PITPNM3: variants seen among roughly 807,000 people sequenced by gnomAD.
PITPNM3 encodes the protein membrane-associated phosphatidylinositol transfer protein 3.
Under a neutral mutation model 102.0 loss-of-function variants are expected in PITPNM3, and 26 were observed. That is an observed-to-expected ratio of 0.25 (90% CI 0.19 to 0.35). The LOEUF (loss-of-function observed/expected upper bound fraction) is 0.35, where lower values mean the gene tolerates loss of function less well. PITPNM3 is among the 10% of genes least tolerant of loss of function. The pLI, the probability that PITPNM3 is intolerant of heterozygous loss-of-function variation, is 1.00. For missense variants in PITPNM3, 1,083 were observed against 1,346.1 expected (o/e 0.80, Z 3.06); for synonymous variants, 578 against 558.6 (o/e 1.03, Z -0.49).
At chr17:6,542,464 C>T (rs1909783320) in intron 1 of PITPNM3, among the ~76,000 whole-genome samples, 1 of 152,202 alleles carries the variant, frequency 6.6e-6, no homozygotes. Context: ...CTCCCTCACA[C>T]ACAAAGTAAA....
intron 3 of PITPNM3, among the ~76,000 whole-genome samples, chr17:6,504,599 G>A (rs978205067): frequency 1.3e-5 from 2 of 152,088 alleles, no homozygotes; most frequent in African/African-American, 4.8e-5. Context: ...GCTCCCTCTG[G>A]CCTGCTGTGT....
At chr17:6,456,755 A>G (rs1914134493) in intron 19 of PITPNM3, among the ~76,000 whole-genome samples, 1 of 151,896 alleles carries the variant, frequency 6.6e-6, no homozygotes, top group Non-Finnish European at 1.5e-5. Flanking sequence ...CTTCCCTTCC[A>G]CCTGCTGCGC....
intron 17 of PITPNM3, among the ~76,000 whole-genome samples, chr17:6,462,389 T>C (rs1904509200): frequency 6.6e-6 from 1 of 152,184 alleles, no homozygotes; most frequent in Non-Finnish European, 1.5e-5. Flanking sequence ...CCTTTGCATA[T>C]GGGATCTCTC....
At chr17:6,489,919 G>A (rs562074382) in intron 4 of PITPNM3, among the ~76,000 whole-genome samples, 5 of 152,038 alleles carry the variant, frequency 3.3e-5, no homozygotes, top group African/African-American at 4.8e-5. Flanking sequence ...CAGAAGAATC[G>A]CTTGAACCCG....
intron 6 of PITPNM3, among the ~76,000 whole-genome samples, chr17:6,482,040 G>GTCTCTCTCTC (rs56855120): frequency 7.2e-5 from 4 of 55,186 alleles, no homozygotes; most frequent in South Asian, 6.4e-4. Flanking sequence ...CTCTCTGTCT[G>GTCTCTCTCTC]TCTCTCTCTC....
intron 2 of PITPNM3, among the ~76,000 whole-genome samples, chr17:6,529,381 G>T (rs1008039908): frequency 6.6e-6 from 1 of 152,010 alleles, no homozygotes; most frequent in East Asian, 1.9e-4. Flanking sequence ...AATCACAAGG[G>T]CAGGAGTTCG....
intron 5 of PITPNM3, 56 bp from the exon 6 acceptor site, chr17:6,483,808 C>T: frequency 7.3e-7 from 1 of 1,373,596 alleles, no homozygotes; most frequent in Non-Finnish European, 1.0e-6. Context: ...TCGGGGGAGG[C>T]ACACAGGGAC....
At chr17:6,531,198 CT>C (rs796285955) in intron 2 of PITPNM3, among the ~76,000 whole-genome samples, 30 of 152,230 alleles carry the variant, frequency 2.0e-4, no homozygotes, top group African/African-American at 7.2e-4. Flanking sequence ...AAGGATGCAG[CT>C]GATATTTTCT....
At chr17:6,552,340 G>C (rs552385514) in intron 1 of PITPNM3, among the ~76,000 whole-genome samples, 3 of 152,122 alleles carry the variant, frequency 2.0e-5, no homozygotes, top group Admixed American at 6.5e-5. Context: ...CTCTCAGTGG[G>C]AGAGAGGGGC....
chr17:6,552,434 C>T (rs1365453017), intron 1 of PITPNM3, among the ~76,000 whole-genome samples: 3 of 152,162 alleles, frequency 2.0e-5, no homozygotes, highest in Non-Finnish European at 4.4e-5. Context: ...CAGAATCAAC[C>T]CTTCCCAACA....
At chr17:6,542,438 A>G (rs926980412) in intron 1 of PITPNM3, among the ~76,000 whole-genome samples, 2 of 152,084 alleles carry the variant, frequency 1.3e-5, no homozygotes, top group African/African-American at 4.8e-5. Context: ...GCACACTCCC[A>G]TAATTCTCTC....
rs1047168756 is a variant in PITPNM3, at chr17:6,537,577, C to T, written c.118+410G>A. ...CTGGGATTACAGGTGTGAGCCACCA[C>T]GCCTGGCCTGACTGTTCTCTCTTAC... is the stretch of plus-strand genomic sequence containing the variant. On this transcript the variant is annotated intron_variant, in intron 2 of 19. Transcript: ENST00000262483. The surrounding 1 kb of genome is among the most constrained non-coding windows in gnomAD (Gnocchi z 4.4). Among the ~76,000 whole-genome samples, 6 of 152,232 alleles carry T rather than the reference C, an allele frequency of 3.9e-5. No homozygotes were observed. Among genetic ancestry groups the T allele is most frequent in the African/African-American group, 7.2e-5 (3 of 41,458 alleles).
chr17:6,518,118 A>G (rs1187712857), intron 3 of PITPNM3, among the ~76,000 whole-genome samples: 1 of 152,238 alleles, frequency 6.6e-6, no homozygotes, highest in Admixed American at 6.5e-5. Flanking sequence ...AGAATTTCAA[A>G]AAGATATCAC....
chr17:6,545,972 A>C (rs1176534481), intron 1 of PITPNM3, among the ~76,000 whole-genome samples: 1 of 152,146 alleles, frequency 6.6e-6, no homozygotes, highest in Non-Finnish European at 1.5e-5. Context: ...AGATCTTAGC[A>C]AGGCCCCCTC....
intron 16 of PITPNM3, 28 bp from the exon 17 acceptor site, chr17:6,463,909 G>A (rs369631208): frequency 9.5e-5 from 153 of 1,612,796 alleles, no homozygotes; most frequent in Middle Eastern, 5.0e-4. Flanking sequence ...GTGGTCAGCC[G>A]TGAGGTCAGG....
intron 4 of PITPNM3, among the ~76,000 whole-genome samples, chr17:6,491,685 G>C (rs1906494269): frequency 6.6e-6 from 1 of 151,996 alleles, no homozygotes; most frequent in African/African-American, 2.4e-5. Flanking sequence ...CCAGCTCCTA[G>C]CATTGCAGAA....
At chr17:6,491,123 A>C (rs1235288732) in intron 4 of PITPNM3, among the ~76,000 whole-genome samples, 2 of 25,338 alleles carry the variant, frequency 7.9e-5, no homozygotes, top group Admixed American at 9.3e-4. Flanking sequence ...AGGCGAGGGG[A>C]GGGGAGGGGA....
chr17:6,528,802 A>AAC lies in PITPNM3; in HGVS notation c.119-3341_119-3340dup, dbSNP rs35605575. On this transcript the variant is annotated intron_variant, in intron 2 of 19. Transcript: ENST00000262483. ...GGCTTGTCCCCTGAGAAGCAACAAGAACACACACACACACACACACATACA... is the reference window on the plus strand; with the variant it reads ...GGCTTGTCCCCTGAGAAGCAACAAGAACACACACACACACACACACACATACA... Among the ~76,000 whole-genome samples, 468 of 150,596 alleles carry AAC rather than the reference A, an allele frequency of 3.1e-3. 1 individual carries two copies. Among genetic ancestry groups the AAC allele is most frequent in the African/African-American group, 7.4e-3 (302 of 41,036 alleles).
intron 4 of PITPNM3, among the ~76,000 whole-genome samples, chr17:6,486,565 G>A (rs188885887): frequency 3.9e-4 from 60 of 152,268 alleles, no homozygotes; most frequent in East Asian, 2.7e-3. Context: ...TATGAGCTCC[G>A]AGCTACTGCC....
Sources: allele counts gnomAD v4.1 joint callset (sites outside exome capture counted in the v4.1 genomes callset), GRCh38; gene constraint gnomAD v4.1.1; non-coding constraint Gnocchi (gnomAD v3.1); transcripts MANE v1.5; gene names NCBI Gene and HGNC (gene_info 2026-07-23, HGNC 2026-07-21).